The following RUNX1T1 variants were observed in gnomAD, a reference collection of about 807,000 sequenced individuals.
The protein encoded by RUNX1T1 is protein CBFA2T1.
RUNX1T1 carries 4 observed loss-of-function variants against 62.8 expected under a neutral mutation model. The ratio of observed to expected loss-of-function variants is 0.06; its 90% CI spans 0.03 to 0.15. The LOEUF (loss-of-function observed/expected upper bound fraction) is 0.15. Among genes scored for constraint, RUNX1T1 ranks in the 10% least tolerant of loss-of-function variants. RUNX1T1 has a pLI of 1.00. For missense variants in RUNX1T1, 508 were observed against 754.3 expected (o/e 0.67, Z 3.82); for synonymous variants, 291 against 286.0 (o/e 1.02, Z -0.18).
intron 5 of RUNX1T1, among the ~76,000 whole-genome samples, chr8:92,001,275 A>T (rs1258905575): frequency 6.6e-6 from 1 of 152,146 alleles, no homozygotes; most frequent in African/African-American, 2.4e-5. Flanking sequence ...CATGCCTATA[A>T]TCTCAACACT....
At chr8:92,040,898 G>A (rs926139414) in intron 1 of RUNX1T1, among the ~76,000 whole-genome samples, 4 of 151,514 alleles carry the variant, frequency 2.6e-5, no homozygotes, top group African/African-American at 4.8e-5. Context: ...TTTCAAATAC[G>A]AGGTCTTACT....
upstream of RUNX1T1, among the ~76,000 whole-genome samples, chr8:92,065,584 G>C (rs1832755014): frequency 6.6e-6 from 1 of 152,170 alleles, no homozygotes; most frequent in Non-Finnish European, 1.5e-5. Context: ...GTTGTTTTCT[G>C]ACAACTTTAG....
intron 8 of RUNX1T1, among the ~76,000 whole-genome samples, chr8:91,980,230 G>C (rs1449464508): frequency 6.6e-6 from 1 of 152,124 alleles, no homozygotes; most frequent in Admixed American, 6.5e-5. Flanking sequence ...ACCCAATATA[G>C]TTAAGTACAG....
chr8:92,010,812 G>T, intron 4 of RUNX1T1, 190 bp downstream of exon 5: 1 of 457,898 alleles, frequency 2.2e-6, no homozygotes, highest in Non-Finnish European at 3.9e-6. Flanking sequence ...CTTCTTTTCA[G>T]GTAATTATTT....
intron 5 of RUNX1T1, 103 bp downstream of exon 6, chr8:92,005,013 A>G (rs938827954): frequency 1.7e-5 from 17 of 1,011,556 alleles, no homozygotes; most frequent in African/African-American, 3.3e-5. Flanking sequence ...CTATTGTGCA[A>G]GAATGACATA....
chr8:92,058,044 T>G (rs998697790), intron 1 of RUNX1T1, among the ~76,000 whole-genome samples: 65 of 151,976 alleles, frequency 4.3e-4, no homozygotes, highest in African/African-American at 1.5e-3. Context: ...TGTAGCCCAT[T>G]GTGCATCCTT....
At chr8:91,968,213 A>G (rs1812040271) in intron 10 of RUNX1T1, among the ~76,000 whole-genome samples, 1 of 152,148 alleles carries the variant, frequency 6.6e-6, no homozygotes, top group Non-Finnish European at 1.5e-5. Flanking sequence ...TCATCTGATC[A>G]GATGAACATG....
intron 5 of RUNX1T1, among the ~76,000 whole-genome samples, chr8:92,002,805 G>A (rs1032644849): frequency 4.6e-5 from 7 of 152,090 alleles, no homozygotes; most frequent in African/African-American, 1.2e-4. Context: ...CTGTCAGACA[G>A]CTCCATACTC....
chr8:92,037,266 T>C (rs1180104929), intron 1 of RUNX1T1, among the ~76,000 whole-genome samples: 1 of 152,204 alleles, frequency 6.6e-6, no homozygotes, highest in East Asian at 1.9e-4. Context: ...GGCAGAAACA[T>C]CATCCAACTA....
chr8:92,089,764 T>C (rs7003305), intron 1 of RUNX1T1, among the ~76,000 whole-genome samples: 129,282 of 151,720 alleles, frequency 0.85, 55,548 homozygotes, highest in East Asian at 1. Context: ...AAATTTCAGA[T>C]AATCATCTAA....
intron 9 of RUNX1T1, among the ~76,000 whole-genome samples, chr8:91,971,986 A>ATATT (rs1218150680): frequency 1.2e-4 from 18 of 152,172 alleles, no homozygotes; most frequent in Non-Finnish European, 7.4e-5. Context: ...GATTAATTGA[A>ATATT]AATTTAATAA....
At chr8:92,054,209 T>C (rs919486888) in intron 1 of RUNX1T1, among the ~76,000 whole-genome samples, 7 of 151,978 alleles carry the variant, frequency 4.6e-5, no homozygotes, top group African/African-American at 1.7e-4. Flanking sequence ...AGTTTGGTTA[T>C]CTGGTTTCCA....
intron 6 of RUNX1T1, 51 bp downstream of exon 7, chr8:91,991,588 A>G (rs1817682091): frequency 6.4e-7 from 1 of 1,556,922 alleles, no homozygotes; most frequent in East Asian, 2.3e-5. Flanking sequence ...TAATGGTGCA[A>G]GTCTTCAAGC....
intron 1 of RUNX1T1, among the ~76,000 whole-genome samples, chr8:92,085,618 G>A (rs1470837788): frequency 1.3e-5 from 2 of 152,064 alleles, no homozygotes; most frequent in Non-Finnish European, 2.9e-5. Context: ...ACAGATTTTA[G>A]AACAAAACCA....
intron 2 of RUNX1T1, 39 bp downstream of exon 2, chr8:92,075,926 A>AT (rs773448528): frequency 1.3e-6 from 2 of 1,554,920 alleles, no homozygotes; most frequent in African/African-American, 2.8e-5. Flanking sequence ...TCTGGTACGT[A>AT]AGTAAATTGC....
downstream of RUNX1T1, chr8:91,958,534 G>T: frequency 5.4e-6 from 1 of 184,176 alleles, no homozygotes; most frequent in Admixed American, 6.3e-5. Context: ...TGTAAAATTA[G>T]AAATACTTAA....
chr8:92,091,792 C>T (rs892254291), intron 1 of RUNX1T1, among the ~76,000 whole-genome samples: 5 of 152,182 alleles, frequency 3.3e-5, no homozygotes. Flanking sequence ...TAAAAGCATA[C>T]TTCTTTGGTT....
rs71563484 is a variant in RUNX1T1, at chr8:92,027,115, CA to C, written c.8-9753del. Among the ~76,000 whole-genome samples, 689 of 74,194 alleles carry C rather than the reference CA, an allele frequency of 9.3e-3. 3 individuals are homozygous for C. The East Asian group carries it at 0.096, about 10-fold the overall frequency. The allele number at this position is 74,194 out of a possible 152,430, so 48.7% of individuals were successfully genotyped here. On this transcript the variant is annotated intron_variant, in intron 1 of 10. Coordinates refer to ENST00000396218, the Ensembl canonical transcript of RUNX1T1. Reference sequence around the variant, plus strand: ...TGGGCGACAGAGCGAAACTCCGTCTCAAAAAAAAAAAAAAAAAAAGAAAAAC... The same window carrying C: ...TGGGCGACAGAGCGAAACTCCGTCTCAAAAAAAAAAAAAAAAAAGAAAAAC...
At chr8:92,028,198 T>C (rs73695104) in intron 1 of RUNX1T1, among the ~76,000 whole-genome samples, 3,838 of 93,238 alleles carry the variant, frequency 0.041, 112 homozygotes, top group African/African-American at 0.12. Flanking sequence ...TAGTAATTCT[T>C]TTTTTTTTTT....
Sources: allele counts gnomAD v4.1 joint callset (sites outside exome capture counted in the v4.1 genomes callset), GRCh38; gene constraint gnomAD v4.1.1; transcripts MANE v1.5; gene names NCBI Gene and HGNC (gene_info 2026-07-23, HGNC 2026-07-21).